Variants in PDE9A observed in about 807,000 individuals in gnomAD.
PDE9A encodes the protein phosphodiesterase 9A, also known as high affinity cGMP-specific 3',5'-cyclic phosphodiesterase 9A.
Under a neutral mutation model 87.4 loss-of-function variants are expected in PDE9A, and 60 were observed. The ratio of observed to expected loss-of-function variants is 0.69; its 90% CI spans 0.56 to 0.85. The LOEUF is 0.85. PDE9A is among the 40% of genes least tolerant of loss of function. The pLI is 0.00. For synonymous variants in PDE9A, 272 were observed against 279.4 expected, an observed-to-expected ratio of 0.97 and a Z score of 0.27; for missense variants, 665 against 779.0, an observed-to-expected ratio of 0.85 and a Z score of 1.74.
intron 7 of PDE9A, among the ~76,000 whole-genome samples, chr21:42,737,546 G>GC (rs949519205): frequency 1.3e-5 from 2 of 152,124 alleles, no homozygotes; most frequent in Non-Finnish European, 2.9e-5. Flanking sequence ...TGCAACCTCT[G>GC]CCCCCCGAAG....
At chr21:42,688,425 T>G (rs147201524) in intron 3 of PDE9A, among the ~76,000 whole-genome samples, 2 of 152,080 alleles carry the variant, frequency 1.3e-5, no homozygotes, top group African/African-American at 4.8e-5. Context: ...TGTGGGAGAT[T>G]CTAAGCACAG....
intron 1 of PDE9A, among the ~76,000 whole-genome samples, chr21:42,662,298 C>T (rs894506159): frequency 6.6e-6 from 1 of 152,040 alleles, no homozygotes; most frequent in Non-Finnish European, 1.5e-5. Flanking sequence ...TCCGGGCGTG[C>T]GTGAAGGGCC....
intron 4 of PDE9A, among the ~76,000 whole-genome samples, chr21:42,730,449 G>A (rs1308194552): frequency 6.6e-6 from 1 of 152,066 alleles, no homozygotes; most frequent in Non-Finnish European, 1.5e-5. Context: ...TTTTTTAAAT[G>A]AAATTAATAT....
chr21:42,697,261 C>T (rs973736059), intron 3 of PDE9A, among the ~76,000 whole-genome samples: 3 of 152,086 alleles, frequency 2.0e-5, no homozygotes, highest in South Asian at 4.1e-4. Context: ...GTCAGTGCCA[C>T]ACAGGTTTTA....
rs2059558281 is a variant in PDE9A, at chr21:42,687,803, G to T, written c.141-114G>T. The T allele has an allele frequency of 5.9e-6, 5 of 842,806 alleles. 1 individual carries two copies. The Admixed American group carries it at 9.8e-5, about 16-fold the overall frequency. The allele number at this position is 842,806 out of a possible 1,614,324, so 52.2% of individuals were successfully genotyped here. A position where few individuals can be genotyped will look rare whatever the true frequency, so the allele number is the denominator to read the frequency against. ...TTCCCATCCCACCACACCTTGGTCA[G>T]GCTGGTCCTGGGACTGTCCTGGTTG... On this transcript the variant is annotated intron_variant, in intron 2 of 19. Transcript: ENST00000291539.
rs977015283 is a variant in PDE9A at position 42,692,344 on chromosome 21, C to T, written c.218+4350C>T. Among the ~76,000 whole-genome samples, 2 of 152,140 alleles carry T rather than the reference C, an allele frequency of 1.3e-5. No individual in the cohort carries two copies. The highest frequency in any genetic ancestry group is 3.9e-4 in the East Asian group (2 of 5,166). ...TACTTGTATCTGATGGGTGGAGACC[C>T]GGGATGCCAATGGCATCCTACAGCG... On this transcript the variant is annotated intron_variant, in intron 3 of 19. Coordinates refer to ENST00000291539, the MANE Select transcript of PDE9A (RefSeq NM_002606.3). This position sits in a 1 kb window ranked among gnomAD's most constrained non-coding sequence, Gnocchi z 4.3.
intron 1 of PDE9A, among the ~76,000 whole-genome samples, chr21:42,672,259 G>A (rs999116689): frequency 1.3e-5 from 2 of 152,200 alleles, no homozygotes; most frequent in East Asian, 1.9e-4. Context: ...GGTGCAGCAC[G>A]CACCCCTGGA....
At chr21:42,751,336 G>C in intron 9 of PDE9A, 139 bp downstream of exon 9, 1 of 712,344 alleles carries the variant, frequency 1.4e-6, no homozygotes, top group East Asian at 2.5e-5. Context: ...CTGACGGTGC[G>C]GGTTACTTTA....
At chr21:42,670,247 A>AGT (rs1569116768) in intron 1 of PDE9A, among the ~76,000 whole-genome samples, 2 of 149,714 alleles carry the variant, frequency 1.3e-5, no homozygotes, top group Non-Finnish European at 3.0e-5. Context: ...ACACTCATAC[A>AGT]CATACATACA....
In PDE9A at chr21:42,726,624, A is replaced by ATTTTTTTTTTTTTTTTTT. The variant is rs1197356167; in HGVS notation, c.263-5129_263-5128insTTTTTTTTTTTTTTTTTT. On this transcript the variant is annotated intron_variant, in intron 4 of 19. Coordinates refer to ENST00000291539, the MANE Select transcript of PDE9A (RefSeq NM_002606.3). ...TATATATATATATATATATATATATATTTTTTTTTTTTTTTTTGTAGAGAT... is the reference window on the plus strand; with the variant it reads ...TATATATATATATATATATATATATATTTTTTTTTTTTTTTTTTTTTTTTTTTTTTTTTTTGTAGAGAT... Among the ~76,000 whole-genome samples the ATTTTTTTTTTTTTTTTTT allele has an allele frequency of 2.0e-4, 4 of 19,780 alleles. 1 individual carries two copies. Among genetic ancestry groups the ATTTTTTTTTTTTTTTTTT allele is most frequent in the African/African-American group, 1.0e-3 (3 of 2,942 alleles). The allele number at this position is 19,780 out of a possible 152,430, so 13.0% of individuals were successfully genotyped here.
chr21:42,655,796 C>T (rs1211717909), intron 1 of PDE9A, among the ~76,000 whole-genome samples: 1 of 152,202 alleles, frequency 6.6e-6, no homozygotes, highest in Non-Finnish European at 1.5e-5. Context: ...AGGGAGGCGC[C>T]AGACGGGTCT....
intron 18 of PDE9A, 142 bp from the exon 19 acceptor site, chr21:42,772,297 G>T: frequency 1.6e-6 from 1 of 616,350 alleles, no homozygotes; most frequent in East Asian, 2.8e-5. Context: ...CCCATGTCAG[G>T]AGTGCTTGGG....
At chr21:42,700,081 AT>A (rs556881702) in intron 4 of PDE9A, among the ~76,000 whole-genome samples, 83 of 152,038 alleles carry the variant, frequency 5.5e-4, no homozygotes, top group African/African-American at 1.8e-3. Context: ...CATCCATGAG[AT>A]TTCTTTTTGA....
chr21:42,678,296 T>C (rs1047561759), intron 1 of PDE9A, among the ~76,000 whole-genome samples: 1 of 152,222 alleles, frequency 6.6e-6, no homozygotes, highest in Admixed American at 6.5e-5. Context: ...AATAATTTTC[T>C]CAGCAGCCAT....
intron 8 of PDE9A, among the ~76,000 whole-genome samples, chr21:42,746,376 G>GTGCCAGCAGGCCC (rs2053849735): frequency 6.6e-6 from 1 of 152,174 alleles, no homozygotes; most frequent in Non-Finnish European, 1.5e-5. Context: ...CAAAATCAAG[G>GTGCCAGCAGGCCC]TGCCAGCAGG....
At chr21:42,768,701 C>T (rs2056628403) in intron 16 of PDE9A, 1 of 985,348 alleles carries the variant, frequency 1.0e-6, no homozygotes, top group African/African-American at 1.7e-5. Context: ...CAGCTGAAAA[C>T]AACCACCAAA....
At chr21:42,688,925 GC>G (rs1239317145) in intron 3 of PDE9A, among the ~76,000 whole-genome samples, 3 of 151,512 alleles carry the variant, frequency 2.0e-5, no homozygotes, top group Non-Finnish European at 4.4e-5. Context: ...CCTCAGTGAG[GC>G]CCCCCAGTGG....
At chr21:42,678,444 T>C (rs1431725909) in intron 1 of PDE9A, among the ~76,000 whole-genome samples, 1 of 152,182 alleles carries the variant, frequency 6.6e-6, no homozygotes, top group Non-Finnish European at 1.5e-5. Context: ...GCAGCCTCAA[T>C]GCCCTTCTGA....
chr21:42,771,834 C>G lies in PDE9A; in HGVS notation c.1687-605C>G, dbSNP rs145125650. On this transcript the variant is annotated intron_variant, in intron 18 of 19. Transcript: ENST00000291539. ...GGAGTCCACTGAAAATCCAGACCAG[C>G]TGCCCTGACTTCTCCAGTTGATGTC... is the stretch of plus-strand genomic sequence containing the variant. 1.9e-3 allele frequency among the ~76,000 whole-genome samples: 296 copies of G among 152,370 alleles called. 2 individuals are homozygous for G. Among genetic ancestry groups the G allele is most frequent in the Non-Finnish European group, 3.3e-3 (222 of 68,040 alleles).
Sources: allele counts gnomAD v4.1 joint callset (sites outside exome capture counted in the v4.1 genomes callset), GRCh38; gene constraint gnomAD v4.1.1; non-coding constraint Gnocchi (gnomAD v3.1); transcripts MANE v1.5; gene names NCBI Gene and HGNC (gene_info 2026-07-23, HGNC 2026-07-21).